MYOT: variants seen among roughly 807,000 people sequenced by gnomAD.
The protein encoded by MYOT is myotilin.
Under a neutral mutation model 58.0 loss-of-function variants are expected in MYOT, and 36 were observed. The ratio of observed to expected loss-of-function variants is 0.62; its 90% CI spans 0.48 to 0.82. The LOEUF (loss-of-function observed/expected upper bound fraction) is 0.82. Ranked by LOEUF, MYOT falls within the 40% of genes least tolerant of loss-of-function variation. MYOT has a pLI of 0.00. For missense variants in MYOT, 505 were observed against 592.1 expected, an observed-to-expected ratio of 0.85 and a Z score of 1.53; for synonymous variants, 218 against 204.6, an observed-to-expected ratio of 1.07 and a Z score of -0.56.
rs776241707 is a variant in MYOT at position 137,887,219 on chromosome 5, C to T, written c.1331C>T (p.Pro444Leu). The change falls in exon 10 of 10, where the codon CCA (proline) becomes CTA (leucine). Residue 444 changes from proline (P) to leucine (L), a missense_variant. Coordinates refer to ENST00000239926, the MANE Select transcript of MYOT (RefSeq NM_006790.3). ...TTTATGTGATCTATTTCAGCACGTC[C>T]AAACCAAACTCTTCCAGCTCCTAAG... ...CNTRLDVTAR[P>L]NQTLPAPKQL... 6.2e-7 allele frequency: 1 copy of T among 1,613,966 alleles called. No homozygotes were observed. Among genetic ancestry groups the T allele is most frequent in the Non-Finnish European group, 8.5e-7 (1 of 1,179,974 alleles).
chr5:137,883,722 C>A, intron 7 of MYOT, 131 bp downstream of exon 7: 1 of 776,048 alleles, frequency 1.3e-6, no homozygotes, highest in Non-Finnish European at 2.2e-6. Flanking sequence ...TTGGAATGTC[C>A]ATTTTTATCT....
At chr5:137,876,879 G>C (rs1755239215) in intron 3 of MYOT, among the ~76,000 whole-genome samples, 1 of 151,976 alleles carries the variant, frequency 6.6e-6, no homozygotes, top group Admixed American at 6.6e-5. Context: ...CAAAAACAAA[G>C]CTGACTGGAA....
chr5:137,872,615 CA>C (rs1453055711), intron 2 of MYOT, among the ~76,000 whole-genome samples: 12 of 152,180 alleles, frequency 7.9e-5, no homozygotes, highest in African/African-American at 2.9e-4. Context: ...TCCAGCTGTG[CA>C]GAGTGGAAAG....
intron 4 of MYOT, among the ~76,000 whole-genome samples, chr5:137,879,458 C>T (rs1287204519): frequency 6.7e-6 from 1 of 149,618 alleles, no homozygotes. Context: ...AAATGAGACA[C>T]AAACTCATCA....
chr5:137,871,954 C>A (rs1249053874), intron 2 of MYOT, among the ~76,000 whole-genome samples: 1 of 152,128 alleles, frequency 6.6e-6, no homozygotes, highest in Non-Finnish European at 1.5e-5. Flanking sequence ...CTCAACTCTG[C>A]TAATTTCTCG....
At chr5:137,881,448 T>C (rs1159253137) in intron 5 of MYOT, among the ~76,000 whole-genome samples, 2 of 152,166 alleles carry the variant, frequency 1.3e-5, no homozygotes, top group Non-Finnish European at 2.9e-5. Context: ...GTAGATCACC[T>C]GAGGTCAGGA....
In MYOT at chr5:137,869,551, A is replaced by C. The variant is rs193142595; in HGVS notation, c.-211-890A>C. ...CCTGTCTTTTCTTGGTAAGGTATAGACTAGTTTCATATGTGTCTTATTTAC... is the reference window on the plus strand; with the variant it reads ...CCTGTCTTTTCTTGGTAAGGTATAGCCTAGTTTCATATGTGTCTTATTTAC... On this transcript the variant is annotated intron_variant, in intron 1 of 9. Coordinates refer to ENST00000239926, the MANE Select transcript of MYOT (RefSeq NM_006790.3). 1.6e-3 allele frequency among the ~76,000 whole-genome samples: 241 copies of C among 152,258 alleles called. 1 individual carries two copies. The highest frequency in any genetic ancestry group is 5.6e-3 in the African/African-American group (234 of 41,560).
chr5:137,886,746 T>C (rs985377039), intron 8 of MYOT, 118 bp from the exon 9 acceptor site: 6 of 809,786 alleles, frequency 7.4e-6, no homozygotes, highest in Admixed American at 2.2e-5. Flanking sequence ...TGGCAATAAA[T>C]AGATACAGCT....
intron 6 of MYOT, 63 bp from the exon 7 acceptor site, chr5:137,883,321 C>A: frequency 7.3e-7 from 1 of 1,375,416 alleles, no homozygotes; most frequent in Non-Finnish European, 1.0e-6. Flanking sequence ...CATATATGGA[C>A]AAATAGGTTT....
At chr5:137,883,362 C>G (rs762129659) in intron 6 of MYOT, 22 bp from the exon 7 acceptor site, 17 of 1,599,878 alleles carry the variant, frequency 1.1e-5, no homozygotes, top group Non-Finnish European at 1.5e-5. Context: ...ATTCTGCCAT[C>G]TCCTTGTGTT....
rs148479015 is a variant in MYOT at position 137,883,548 on chromosome 5, T to C, written c.981T>C (p.Asn327=). 1,259 of 1,614,116 alleles carry C rather than the reference T, an allele frequency of 7.8e-4. 8 individuals are homozygous for C. In the Middle Eastern group the frequency reaches 0.021, roughly 27 times the overall value. The change falls in exon 7 of 10, where the codon AAT becomes AAC. Residue 327 remains asparagine, a synonymous_variant. Transcript: ENST00000239926. ...DAGAYACVAK[N]RAGEATFTVQ... The stretch of plus-strand genomic sequence containing the variant: ...GGGCTTATGCATGTGTTGCCAAGAA[T>C]AGAGCAGGAGAAGCCACCTTCACTG...
chr5:137,880,950 G>C, intron 5 of MYOT, 85 bp downstream of exon 5: 1 of 1,001,696 alleles, frequency 1.0e-6, no homozygotes, highest in Non-Finnish European at 1.5e-6. Flanking sequence ...TAAAGCCCTC[G>C]AGCCTACTCT....
chr5:137,877,134 C>T (rs1241907700), intron 3 of MYOT, among the ~76,000 whole-genome samples: 3 of 151,480 alleles, frequency 2.0e-5, no homozygotes, highest in South Asian at 2.1e-4. Flanking sequence ...TTGGGGAGGC[C>T]GAGGCGGGTG....
chr5:137,887,020 G>A, intron 9 of MYOT, 23 bp downstream of exon 9: 1 of 1,605,094 alleles, frequency 6.2e-7, no homozygotes, highest in Non-Finnish European at 8.5e-7. Flanking sequence ...ATTAACCAAA[G>A]TATTATAAGG....
chr5:137,881,929 A>C, intron 5 of MYOT, 44 bp from the exon 6 acceptor site: 1 of 1,603,894 alleles, frequency 6.2e-7, no homozygotes, highest in South Asian at 1.1e-5. Flanking sequence ...AATGAAAAGC[A>C]ATGATAATAT....
At chr5:137,868,464 G>A (rs956639357) in intron 1 of MYOT, among the ~76,000 whole-genome samples, 2 of 152,138 alleles carry the variant, frequency 1.3e-5, no homozygotes, top group Middle Eastern at 3.4e-3. Context: ...AGAAAATACA[G>A]GATCACCTGC....
chr5:137,881,639 T>C (rs1229928735), intron 5 of MYOT, among the ~76,000 whole-genome samples: 3 of 152,192 alleles, frequency 2.0e-5, no homozygotes. Flanking sequence ...AATATAACTA[T>C]ATACATGTTC....
At chr5:137,885,577 G>A (rs1755569294) in intron 7 of MYOT, among the ~76,000 whole-genome samples, 1 of 151,792 alleles carries the variant, frequency 6.6e-6, no homozygotes, top group Non-Finnish European at 1.5e-5. Flanking sequence ...TTAGAGATCA[G>A]CCTGGCTAAC....
chr5:137,879,175 A>G (rs946144795), intron 4 of MYOT, among the ~76,000 whole-genome samples: 10 of 152,006 alleles, frequency 6.6e-5, no homozygotes, highest in Non-Finnish European at 1.3e-4. Context: ...AGCTCAAGTG[A>G]TCTGCCTACC....
Sources: allele counts gnomAD v4.1 joint callset (sites outside exome capture counted in the v4.1 genomes callset), GRCh38; gene constraint gnomAD v4.1.1; transcripts MANE v1.5; gene names NCBI Gene and HGNC (gene_info 2026-07-23, HGNC 2026-07-21).